LRRC7: variants seen among roughly 807,000 people sequenced by gnomAD.
LRRC7 encodes the protein leucine-rich repeat-containing protein 7.
LRRC7 carries 23 observed loss-of-function variants against 175.7 expected under a neutral mutation model. That is an observed-to-expected ratio of 0.13 (90% CI 0.09 to 0.19). The LOEUF (loss-of-function observed/expected upper bound fraction) is 0.19, where lower values mean the gene tolerates loss of function less well. Ranked by LOEUF, LRRC7 falls within the 10% of genes least tolerant of loss-of-function variation. The pLI, the probability that LRRC7 is intolerant of heterozygous loss-of-function variation, is 1.00. For missense variants in LRRC7, 1,354 were observed against 1,904.7 expected, an observed-to-expected ratio of 0.71 and a Z score of 5.38; for synonymous variants, 685 against 680.9, an observed-to-expected ratio of 1.01 and a Z score of -0.09.
intron 5 of LRRC7, among the ~76,000 whole-genome samples, chr1:69,828,661 G>C (rs1680197530): frequency 6.6e-6 from 1 of 152,030 alleles, no homozygotes; most frequent in Non-Finnish European, 1.5e-5. Flanking sequence ...AATCATGGTT[G>C]TGCTAAGGAG....
intron 2 of LRRC7, among the ~76,000 whole-genome samples, chr1:69,683,325 C>T (rs890915150): frequency 3.3e-5 from 5 of 152,118 alleles, no homozygotes; most frequent in African/African-American, 7.2e-5. Flanking sequence ...TAAGATTCTA[C>T]CAAATGCTCC....
chr1:69,718,495 G>A (rs1165738130), intron 2 of LRRC7, among the ~76,000 whole-genome samples: 1 of 151,720 alleles, frequency 6.6e-6, no homozygotes, highest in Non-Finnish European at 1.5e-5. Flanking sequence ...GCAAAATGGG[G>A]GATGATCACA....
chr1:69,718,160 G>GAAAGA (rs1665923280), intron 2 of LRRC7, among the ~76,000 whole-genome samples: 1 of 148,942 alleles, frequency 6.7e-6, no homozygotes, highest in Non-Finnish European at 1.5e-5. Flanking sequence ...AAGAAAGAAA[G>GAAAGA]AAAGAAAGAA....
intron 11 of LRRC7, among the ~76,000 whole-genome samples, chr1:70,000,161 A>C (rs1021342803): frequency 6.6e-6 from 1 of 152,242 alleles, no homozygotes; most frequent in African/African-American, 2.4e-5. Flanking sequence ...AAAGTTCAGA[A>C]GTTTTATTAT....
chr1:69,616,192 T>C (rs919219177), intron 1 of LRRC7, among the ~76,000 whole-genome samples: 5 of 152,058 alleles, frequency 3.3e-5, no homozygotes, highest in African/African-American at 1.2e-4. Flanking sequence ...GTTGTAATCA[T>C]AACGCAGTAA....
rs144376259 is a variant in LRRC7, at chr1:69,844,361, C to G, written c.647+6078C>G. 2.2e-3 allele frequency among the ~76,000 whole-genome samples: 341 copies of G among 152,222 alleles called. 1 individual carries two copies. The highest frequency in any genetic ancestry group is 7.8e-3 in the African/African-American group (324 of 41,554). ...ATTGAACAACTCCCCATTCCCTCCT[C>G]CCCTCAGCCCCTGGCAGCCATCATT... On this transcript the variant is annotated intron_variant, in intron 7 of 26. Transcript: ENST00000651989.
intron 2 of LRRC7, among the ~76,000 whole-genome samples, chr1:69,726,708 A>C (rs745861953): frequency 1.3e-5 from 2 of 152,180 alleles, no homozygotes; most frequent in African/African-American, 2.4e-5. Flanking sequence ...ATAGAGAGCA[A>C]AACTTGCCTT....
At chr1:69,797,451 T>C (rs975132127) in intron 4 of LRRC7, among the ~76,000 whole-genome samples, 4 of 152,152 alleles carry the variant, frequency 2.6e-5, no homozygotes, top group African/African-American at 7.2e-5. Flanking sequence ...CCAACCTGCT[T>C]TTTTCCTCCA....
chr1:69,791,078 T>C (rs1675057267), intron 3 of LRRC7, among the ~76,000 whole-genome samples: 1 of 152,022 alleles, frequency 6.6e-6, no homozygotes, highest in African/African-American at 2.4e-5. Flanking sequence ...CCAGACTTCA[T>C]CTGTGGAAAT....
intron 7 of LRRC7, among the ~76,000 whole-genome samples, chr1:69,859,085 T>C (rs1047996214): frequency 2.0e-5 from 3 of 152,100 alleles, no homozygotes; most frequent in African/African-American, 7.2e-5. Context: ...ATGTCACTAT[T>C]CATAAACAGA....
intron 11 of LRRC7, among the ~76,000 whole-genome samples, chr1:70,010,778 C>CT (rs1656430795): frequency 6.6e-6 from 1 of 152,102 alleles, no homozygotes; most frequent in Non-Finnish European, 1.5e-5. Flanking sequence ...GTGCCAGGCC[C>CT]TTTTTTCCCA....
At chr1:69,889,596 CAGA>C (rs1645769985) in intron 7 of LRRC7, among the ~76,000 whole-genome samples, 1 of 152,136 alleles carries the variant, frequency 6.6e-6, no homozygotes, top group African/African-American at 2.4e-5. Context: ...TACTTCAGCC[CAGA>C]AGTTCGCTAT....
At chr1:69,755,957 A>C (rs1314589853) in intron 2 of LRRC7, among the ~76,000 whole-genome samples, 1 of 151,928 alleles carries the variant, frequency 6.6e-6, no homozygotes, top group Non-Finnish European at 1.5e-5. Flanking sequence ...AACCTTTACC[A>C]TGAAAAATGA....
At chr1:69,911,248 A>G (rs935679265) in intron 7 of LRRC7, among the ~76,000 whole-genome samples, 14 of 152,182 alleles carry the variant, frequency 9.2e-5, no homozygotes, top group African/African-American at 3.4e-4. Flanking sequence ...AGATGAACCC[A>G]GTACCTCAGA....
rs1004338751 is a variant in LRRC7 at position 69,834,816 on chromosome 1, C to A, written c.537C>A (p.Thr179=). 3.7e-6 allele frequency: 6 copies of A among 1,613,104 alleles called. No individual in the cohort carries two copies. The highest frequency in any genetic ancestry group is 4.2e-6 in the Non-Finnish European group (5 of 1,179,472). Residue 179 remains threonine, a synonymous_variant, in exon 6 of 27, where the codon ACC becomes ACA. Transcript: ENST00000651989. ...PDGFTQLLNL[T]QLYLNDAFLE... ...GCTTCACACAGCTCCTAAACCTGAC[C>A]CAGCTCTACCTGAATGACGCCTTTC...
intron 5 of LRRC7, among the ~76,000 whole-genome samples, chr1:69,830,980 T>A (rs1269720081): frequency 6.6e-6 from 1 of 151,948 alleles, no homozygotes; most frequent in African/African-American, 2.4e-5. Flanking sequence ...ATAAGCCAGA[T>A]TCTTCTAGGG....
intron 5 of LRRC7, 93 bp downstream of exon 5, chr1:69,825,919 T>C (rs1427175940): frequency 1.4e-6 from 1 of 707,536 alleles, no homozygotes; most frequent in African/African-American, 1.9e-5. Context: ...AATTTAAATT[T>C]AAATGTAGCA....
chr1:69,986,636 T>C (rs938427587), intron 10 of LRRC7, among the ~76,000 whole-genome samples: 1 of 152,208 alleles, frequency 6.6e-6, no homozygotes, highest in Non-Finnish European at 1.5e-5. Context: ...AAAATTGTTA[T>C]ATCTCCAAAG....
chr1:69,893,219 A>G, intron 7 of LRRC7, among the ~76,000 whole-genome samples: 1 of 151,628 alleles, frequency 6.6e-6, no homozygotes, highest in Middle Eastern at 3.4e-3. Flanking sequence ...TTTACAACTC[A>G]ATGTCTTTAG....
Sources: gnomAD v4.1 joint callset for allele counts (sites outside exome capture counted in the v4.1 genomes callset) on GRCh38, gnomAD v4.1.1 for gene constraint, MANE v1.5 for transcripts, NCBI Gene and HGNC (gene_info 2026-07-23, HGNC 2026-07-21) for gene names.